The following PLCB2 variants were observed in gnomAD, a reference collection of about 807,000 sequenced individuals.
PLCB2 encodes the protein phospholipase C beta 2.
Under a neutral mutation model 141.7 loss-of-function variants are expected in PLCB2, and 115 were observed. The ratio of observed to expected loss-of-function variants is 0.81; its 90% CI spans 0.70 to 0.95. PLCB2 has a LOEUF of 0.95. Ranked by LOEUF, PLCB2 falls within the 40% of genes least tolerant of loss-of-function variation. The probability of loss-of-function intolerance (pLI) is 0.00; values close to 1 mark genes in which losing one functional copy is unlikely to be tolerated. For synonymous variants in PLCB2, 603 were observed against 595.6 expected (o/e 1.01, Z -0.18); for missense variants, 1,403 against 1,541.1 (o/e 0.91, Z 1.50).
intron 10 of PLCB2, 65 bp from the exon 11 acceptor site, chr15:40,298,445 G>A (rs182985978): frequency 3.0e-5 from 48 of 1,575,624 alleles, no homozygotes; most frequent in African/African-American, 1.1e-4. Flanking sequence ...TCCCCCTACC[G>A]CCACTCCATC....
At chr15:40,296,466 CA>C in intron 15 of PLCB2, 55 bp downstream of exon 15, 1 of 1,613,270 alleles carries the variant, frequency 6.2e-7, no homozygotes, top group Non-Finnish European at 8.5e-7. Context: ...GGCCCCCATC[CA>C]GGGGGCTTAA....
chr15:40,307,767 C>CA lies in PLCB2; in HGVS notation c.-96dup, dbSNP rs765986740. ...CCAGGAGGGGGAGCCAAGCTGGGCT[C>CA]AAATGGCACCCATCCCCGAGCTGCT... is the stretch of plus-strand genomic sequence containing the variant. On this transcript the variant is annotated 5_prime_UTR_variant, in exon 1 of 32. An upstream open reading frame in the 5' UTR loses its in-frame stop. Transcript: ENST00000260402. The CA allele has an allele frequency of 2.6e-5, 26 of 1,003,472 alleles. No homozygotes were observed. Among genetic ancestry groups the CA allele is most frequent in the Non-Finnish European group, 3.3e-5 (23 of 687,586 alleles). The allele number at this position is 1,003,472 out of a possible 1,614,324, so 62.2% of individuals were successfully genotyped here. A position where few individuals can be genotyped will look rare whatever the true frequency, so the allele number is the denominator to read the frequency against.
At chr15:40,295,633 C>T (rs1447720088) in intron 16 of PLCB2, among the ~76,000 whole-genome samples, 4 of 152,154 alleles carry the variant, frequency 2.6e-5, no homozygotes, top group African/African-American at 9.7e-5. Flanking sequence ...TGAACACATG[C>T]TTTGATGTGC....
At position 40,302,356 on chromosome 15, in the gene PLCB2, G is replaced by A; in HGVS notation, c.373-7C>T. On this transcript the variant is annotated splice_polypyrimidine_tract_variant and splice_region_variant and intron_variant, in intron 4 of 31. Coordinates refer to ENST00000260402, the MANE Select transcript of PLCB2 (RefSeq NM_004573.3). The stretch of plus-strand genomic sequence containing the variant: ...GTACGTCCTCAGCCCAGGCCTGCAG[G>A]ACCACAGAGAGCAGCGGTCAGGCTC... 1 of 1,613,778 alleles carries A rather than the reference G, an allele frequency of 6.2e-7. No individual in the cohort carries two copies. The highest frequency in any genetic ancestry group is 8.5e-7 in the Non-Finnish European group (1 of 1,179,880).
At chr15:40,305,593 G>T (rs1475122637) in intron 1 of PLCB2, among the ~76,000 whole-genome samples, 1 of 152,202 alleles carries the variant, frequency 6.6e-6, no homozygotes, top group East Asian at 1.9e-4. Context: ...AGCTGAAGGT[G>T]GTAAGAAGGG....
Position 40,296,976 on chromosome 15 carries a change from C to T in PLCB2, c.1324-68G>A, listed in dbSNP as rs1272000414. Reference sequence around the variant, plus strand: ...TGGCATAGCCTGAGCTCCTTATTACCAGGCATGCTCCCTCGGCCTCCCCCA... The same window carrying T: ...TGGCATAGCCTGAGCTCCTTATTACTAGGCATGCTCCCTCGGCCTCCCCCA... On this transcript the variant is annotated intron_variant, in intron 13 of 31. Transcript: ENST00000260402. 6 of 1,530,448 alleles carry T rather than the reference C, an allele frequency of 3.9e-6. No homozygotes were observed. In the Admixed American group the frequency reaches 7.4e-5, roughly 19 times the overall value. The allele number at this position is 1,530,448 out of a possible 1,614,324, so 94.8% of individuals were successfully genotyped here.
chr15:40,289,855 G>A (rs1241693224), intron 30 of PLCB2, among the ~76,000 whole-genome samples, 170 bp downstream of exon 30: 16 of 152,074 alleles, frequency 1.1e-4, no homozygotes, highest in South Asian at 2.1e-4. Context: ...CACCCCAGCT[G>A]CATGGACAGC....
intron 1 of PLCB2, among the ~76,000 whole-genome samples, chr15:40,305,865 A>G (rs1158946498): frequency 6.6e-6 from 1 of 152,180 alleles, no homozygotes; most frequent in African/African-American, 2.4e-5. Flanking sequence ...ACCAGCAGGG[A>G]ATCCCACCAA....
intron 19 of PLCB2, 41 bp downstream of exon 19, chr15:40,294,225 G>C (rs1327161796): frequency 6.2e-7 from 1 of 1,605,370 alleles, no homozygotes; most frequent in African/African-American, 1.3e-5. Flanking sequence ...TTCTACTCAA[G>C]ACCTCAGCCT....
At position 40,298,318 on chromosome 15, in the gene PLCB2, G is replaced by A. The variant is rs753767966; in HGVS notation, c.1060C>T (p.Arg354Cys). ...MYRQVLLSGC[R>C]CVELDCWKGK... ...TTCCAGCAGTCTAGCTCCACGCAAC[G>A]GCAGCCAGAGAGCAGCACCTGGCGG... The change falls in exon 11 of 32, where the codon CGT becomes TGT. Residue 354 changes from arginine (R) to cysteine (C), a missense_variant. This residue lies in a region of PLCB2 where 975 missense variants were observed against 1,141.1 expected (regional missense o/e 0.85). Coordinates refer to ENST00000260402, the MANE Select transcript of PLCB2 (RefSeq NM_004573.3). 1.0e-5 allele frequency: 16 copies of A among 1,607,366 alleles called. No individual in the cohort carries two copies. Among genetic ancestry groups the A allele is most frequent in the Middle Eastern group, 1.7e-4 (1 of 6,054 alleles).
At chr15:40,300,335 C>T (rs568086230) in intron 7 of PLCB2, among the ~76,000 whole-genome samples, 5 of 152,270 alleles carry the variant, frequency 3.3e-5, no homozygotes, top group African/African-American at 1.2e-4. Context: ...AAATAAATCC[C>T]TACACAATGC....
chr15:40,303,944 G>A (rs1595683680), intron 2 of PLCB2, 57 bp downstream of exon 2: 1 of 1,237,132 alleles, frequency 8.1e-7, no homozygotes, highest in Middle Eastern at 1.9e-4. Context: ...CCAGGGGGCT[G>A]TCTGGCCTCA....
intron 16 of PLCB2, among the ~76,000 whole-genome samples, chr15:40,295,501 G>T (rs2040160385): frequency 6.8e-6 from 1 of 148,126 alleles, no homozygotes; most frequent in African/African-American, 2.6e-5. Flanking sequence ...ATGCACAGGG[G>T]TGGGGTGTGT....
chr15:40,307,709 CACAG>C lies in PLCB2; in HGVS notation c.-41_-38del. The C allele has an allele frequency of 1.3e-6, 2 of 1,532,452 alleles. No individual in the cohort carries two copies. Among genetic ancestry groups the C allele is most frequent in the Non-Finnish European group, 1.8e-6 (2 of 1,133,142 alleles). The allele number at this position is 1,532,452 out of a possible 1,614,324, so 94.9% of individuals were successfully genotyped here. A position where few individuals can be genotyped will look rare whatever the true frequency, so the allele number is the denominator to read the frequency against. The stretch of plus-strand genomic sequence containing the variant: ...TTCCTCTTTGCAGAATCTCAGCAGA[CACAG>C]GCAGGCAGAAGGGCAGGAAGGAGGC... On this transcript the variant is annotated 5_prime_UTR_variant, in exon 1 of 32. Transcript: ENST00000260402.
rs959673250 is a variant in PLCB2, at chr15:40,297,962, G to A, written c.1156-3C>T. ...TCTGCAATAGCCTCAATTGCTTCCT[G>A]GAGGAGAAGGAGACTCCATGAACAG... On this transcript the variant is annotated splice_polypyrimidine_tract_variant and splice_region_variant and intron_variant, in intron 11 of 31. Transcript: ENST00000260402. This position sits in a 1 kb window ranked among gnomAD's most constrained non-coding sequence, Gnocchi z 4.2. The A allele has an allele frequency of 6.3e-7, 1 of 1,591,102 alleles. No homozygotes were observed. The highest frequency in any genetic ancestry group is 1.7e-5 in the Admixed American group (1 of 59,912).
rs748279757 is a variant in PLCB2 at position 40,291,922 on chromosome 15, CT to C, written c.2528del (p.Lys843SerfsTer36). 3 of 1,614,134 alleles carry C rather than the reference CT, an allele frequency of 1.9e-6. No individual in the cohort carries two copies. In the East Asian group the frequency reaches 6.7e-5, roughly 36 times the overall value. The stretch of plus-strand genomic sequence containing the variant: ...CAACTGGACTCGCCAGTGGGAAGGG[CT>C]TCTGTGTAGGGAGAGCAGGTCAGGA... The part of the protein sequence containing the change: ...LKEAMGGLPE[K>X]PFPLASPVAS... On this transcript the variant is annotated frameshift_variant and splice_region_variant, in exon 24 of 32. Coordinates refer to ENST00000260402, the MANE Select transcript of PLCB2 (RefSeq NM_004573.3). LOFTEE classifies it high-confidence loss of function.
In PLCB2 at chr15:40,295,305, A is replaced by G; in HGVS notation, c.1697-20T>C. The G allele has an allele frequency of 6.4e-7, 1 of 1,567,398 alleles. No individual in the cohort carries two copies. Among genetic ancestry groups the G allele is most frequent in the Non-Finnish European group, 8.8e-7 (1 of 1,137,644 alleles). On this transcript the variant is annotated intron_variant, in intron 16 of 31. Coordinates refer to ENST00000260402, the MANE Select transcript of PLCB2 (RefSeq NM_004573.3). ...TCTTTTCTATATAGGGGAGAAAGGGAGGGGAGGAGTTTTATCAGGCTGTCC... is the reference window on the plus strand; with the variant it reads ...TCTTTTCTATATAGGGGAGAAAGGGGGGGGAGGAGTTTTATCAGGCTGTCC...
chr15:40,289,327 T>A lies in PLCB2; in HGVS notation c.3299A>T (p.Lys1100Met). 1 of 1,614,090 alleles carries A rather than the reference T, an allele frequency of 6.2e-7. No individual in the cohort carries two copies. The highest frequency in any genetic ancestry group is 2.2e-5 in the East Asian group (1 of 44,880). The change falls in exon 31 of 32, where the codon AAG (lysine) becomes ATG (methionine). Residue 1100 changes from lysine to methionine, a missense_variant. By Grantham distance (95) the Lys-to-Met change is moderately conservative. Transcript: ENST00000260402. ...GCAAGCCGCCTGCTTCTCCTCCAGC[T>A]TCTCCTGGTGCCTCTCCAAGTTCTC... is the stretch of plus-strand genomic sequence containing the variant. ...MTENLERHQE[K>M]LEEKQAACLE... is the part of the protein sequence containing the mutation.
At position 40,303,846 on chromosome 15, in the gene PLCB2, AAG is replaced by A. The variant is rs2141174795; in HGVS notation, c.162+153_162+154del. On this transcript the variant is annotated intron_variant, in intron 2 of 31. Coordinates refer to ENST00000260402, the MANE Select transcript of PLCB2 (RefSeq NM_004573.3). The stretch of plus-strand genomic sequence containing the variant: ...TGACTGCATCCTCCTTTCCAGAGCA[AAG>A]AGCCCCTGCCTACAGGGGAGCCTCT... 6 of 589,792 alleles carry A rather than the reference AAG, an allele frequency of 1.0e-5. No individual in the cohort carries two copies. In the East Asian group the frequency reaches 1.7e-4, roughly 16 times the overall value. The allele number at this position is 589,792 out of a possible 1,614,324, so 36.5% of individuals were successfully genotyped here.
Sources: allele counts gnomAD v4.1 joint callset (sites outside exome capture counted in the v4.1 genomes callset), GRCh38; gene constraint gnomAD v4.1.1; regional missense constraint gnomAD v4.1.1; non-coding constraint Gnocchi (gnomAD v3.1); transcripts MANE v1.5; gene names NCBI Gene and HGNC (gene_info 2026-07-23, HGNC 2026-07-21).